EIF4A2: variants seen among roughly 807,000 people sequenced by gnomAD.
The protein encoded by EIF4A2 is eukaryotic translation initiation factor 4A2.
In EIF4A2, 9 loss-of-function variants were observed where a neutral mutation model predicts 50.6. The observed-to-expected ratio is 0.18, with a 90% CI of 0.11 to 0.31. EIF4A2 has a LOEUF of 0.31. Among genes scored for constraint, EIF4A2 ranks in the 10% least tolerant of loss-of-function variants. The pLI, the probability that EIF4A2 is intolerant of heterozygous loss-of-function variation, is 1.00. For missense variants in EIF4A2, 182 were observed against 501.8 expected, an observed-to-expected ratio of 0.36 and a Z score of 6.09; for synonymous variants, 215 against 164.4, an observed-to-expected ratio of 1.31 and a Z score of -2.35.
chr3:186,787,992 T>C, intron 10 of EIF4A2, 110 bp downstream of exon 10: 1 of 1,158,842 alleles, frequency 8.6e-7, no homozygotes, highest in African/African-American at 1.5e-5. Flanking sequence ...AAGTCAGTAG[T>C]GTTCAGTAAG....
intron 4 of EIF4A2, 84 bp from the exon 5 acceptor site, chr3:186,785,798 AC>A: frequency 1.3e-6 from 2 of 1,506,970 alleles, no homozygotes; most frequent in Non-Finnish European, 8.9e-7. Flanking sequence ...CTGTTGGCAG[AC>A]CAGATTATAT....
chr3:186,789,377 C>T lies in EIF4A2; in HGVS notation c.*108C>T, dbSNP rs1367505846. 17 of 1,422,508 alleles carry T rather than the reference C, an allele frequency of 1.2e-5. No individual in the cohort carries two copies. The highest frequency in any genetic ancestry group is 1.5e-5 in the Non-Finnish European group (16 of 1,065,658). The allele number at this position is 1,422,508 out of a possible 1,614,324, so 88.1% of individuals were successfully genotyped here. On this transcript the variant is annotated 3_prime_UTR_variant, in exon 11 of 11. Transcript: ENST00000323963. ...AATATTTGAATCTTGTCTCAATGCTCATAACGGATCAGAAATACAGATTTT... is the reference window on the plus strand; with the variant it reads ...AATATTTGAATCTTGTCTCAATGCTTATAACGGATCAGAAATACAGATTTT...
chr3:186,789,731 A>G lies in EIF4A2; in HGVS notation c.*462A>G. The G allele has an allele frequency of 2.3e-6, 1 of 438,964 alleles. No individual in the cohort carries two copies. Among genetic ancestry groups the G allele is most frequent in the Non-Finnish European group, 4.1e-6 (1 of 246,760 alleles). 27.2% of individuals were successfully genotyped at this position (438,964 alleles called of 1,614,324 possible). ...AGCATTTGAATGCATTTTGTTTGGT[A>G]TTGTATTTATTCAATAAAGTATTTA... On this transcript the variant is annotated 3_prime_UTR_variant, in exon 11 of 11. Coordinates refer to ENST00000323963, the MANE Select transcript of EIF4A2 (RefSeq NM_001967.4).
chr3:186,789,206 C>T lies in EIF4A2; in HGVS notation c.1161C>T (p.Asp387=), dbSNP rs1018245481. The T allele has an allele frequency of 6.2e-7, 1 of 1,613,432 alleles. No homozygotes were observed. Among genetic ancestry groups the T allele is most frequent in the Non-Finnish European group, 8.5e-7 (1 of 1,179,812 alleles). ...VTEEDKRILR[D]IETFYNTTVE... is the part of the protein sequence containing the mutation. Reference sequence around the variant, plus strand: ...AAGAAGACAAGAGGATTCTTCGTGACATTGAGACTTTCTACAATACTACAG... The same window carrying T: ...AAGAAGACAAGAGGATTCTTCGTGATATTGAGACTTTCTACAATACTACAG... Residue 387 remains aspartate, a synonymous_variant, in exon 11 of 11, where the codon GAC becomes GAT. Coordinates refer to ENST00000323963, the MANE Select transcript of EIF4A2 (RefSeq NM_001967.4).
intron 4 of EIF4A2, chr3:186,785,661 G>C (rs765007382): frequency 9.4e-5 from 48 of 510,654 alleles, no homozygotes; most frequent in Non-Finnish European, 1.5e-4. Flanking sequence ...TCTAGCTGAT[G>C]CGTGGAGCAG....
At chr3:186,784,869 A>G in intron 3 of EIF4A2, 93 bp from the exon 4 acceptor site, 1 of 1,607,958 alleles carries the variant, frequency 6.2e-7, no homozygotes, top group Non-Finnish European at 8.5e-7. Flanking sequence ...TCACTTGATT[A>G]TTTGGGCATA....
intron 4 of EIF4A2, chr3:186,785,412 C>CT: frequency 7.5e-6 from 3 of 399,622 alleles, no homozygotes; most frequent in Non-Finnish European, 1.4e-5. Context: ...ATTTGACTGT[C>CT]TCCGTAGTTC....
intron 10 of EIF4A2, chr3:186,788,673 GA>G (rs889947616): frequency 2.2e-5 from 5 of 229,706 alleles, no homozygotes; most frequent in Non-Finnish European, 4.4e-5. Context: ...TTTCCCACTG[GA>G]AAAAAGTAAG....
At chr3:186,788,054 A>G (rs1314972769) in intron 10 of EIF4A2, 172 bp downstream of exon 10, 2 of 792,568 alleles carry the variant, frequency 2.5e-6, no homozygotes, top group Non-Finnish European at 3.9e-6. Context: ...AAAGTGGGAA[A>G]ACTTGTAAAC....
At chr3:186,788,496 A>G in intron 10 of EIF4A2, 2 of 1,148,372 alleles carry the variant, frequency 1.7e-6, no homozygotes, top group East Asian at 1.2e-4. Context: ...TTTTTGTATT[A>G]GTATTTCTAT....
At position 186,786,288 on chromosome 3, in the gene EIF4A2, A is replaced by C. The variant is rs748463432; in HGVS notation, c.627+15A>C. On this transcript the variant is annotated intron_variant, in intron 6 of 10. Coordinates refer to ENST00000323963, the MANE Select transcript of EIF4A2 (RefSeq NM_001967.4). ...CAAGTATTCAGGTAAGCATTACTTC[A>C]CCCCCCTCTTAAAGGTAGAGATGGG... 6.2e-7 allele frequency: 1 copy of C among 1,604,954 alleles called. No homozygotes were observed. The highest frequency in any genetic ancestry group is 2.2e-5 in the East Asian group (1 of 44,772).
rs369580578 is a variant in EIF4A2 at position 186,783,605 on chromosome 3, C to G, written c.-6C>G. The G allele has an allele frequency of 7.2e-5, 117 of 1,613,968 alleles. No homozygotes were observed. Among genetic ancestry groups the G allele is most frequent in the East Asian group, 3.8e-4 (17 of 44,890 alleles). Reference sequence around the variant, plus strand: ...TTCAGTCGGGCGCTGAGTGGTTTTTCGGATCATGTCTGGTGGCTCCGCGGA... The same window carrying G: ...TTCAGTCGGGCGCTGAGTGGTTTTTGGGATCATGTCTGGTGGCTCCGCGGA... On this transcript the variant is annotated 5_prime_UTR_variant, in exon 1 of 11. Transcript: ENST00000323963.
Position 186,785,210 on chromosome 3 carries a change from CT to C in EIF4A2, c.348+113del, listed in dbSNP as rs1579157795. The C allele has an allele frequency of 1.9e-5, 28 of 1,486,822 alleles. No homozygotes were observed. The East Asian group carries it at 6.3e-4, about 34-fold the overall frequency. The allele number at this position is 1,486,822 out of a possible 1,614,324, so 92.1% of individuals were successfully genotyped here. On this transcript the variant is annotated intron_variant, in intron 4 of 10. Transcript: ENST00000323963. Reference sequence around the variant, plus strand: ...ATAAATTGGTCCTACCAGATCCCTCCTTTTAATTGTCCATGCATGCAGGGAG... The same window carrying C: ...ATAAATTGGTCCTACCAGATCCCTCCTTTAATTGTCCATGCATGCAGGGAG...
chr3:186,787,968 GAATAGATTCAGT>G, intron 10 of EIF4A2, 86 bp downstream of exon 10: 2 of 1,397,746 alleles, frequency 1.4e-6, no homozygotes, highest in Non-Finnish European at 2.0e-6. Flanking sequence ...TCAAATCAAG[GAATAGATTCAGT>G]AAAGTCAGTA....
intron 4 of EIF4A2, 161 bp from the exon 5 acceptor site, chr3:186,785,722 C>A (rs1044063485): frequency 3.0e-5 from 26 of 865,156 alleles, no homozygotes; most frequent in Non-Finnish European, 3.4e-5. Flanking sequence ...GGAATTTTAC[C>A]TTGCAGCAGT....
chr3:186,789,890 A>T lies in EIF4A2; in HGVS notation c.*621A>T. On this transcript the variant is annotated 3_prime_UTR_variant, in exon 11 of 11. Coordinates refer to ENST00000323963, the MANE Select transcript of EIF4A2 (RefSeq NM_001967.4). ...TGAATGTTAAATAAATTGTATATTC[A>T]CTTTAAAGGTGCTTTTGGTCATTTT... 1.1e-6 allele frequency: 1 copy of T among 881,978 alleles called. No homozygotes were observed. The highest frequency in any genetic ancestry group is 1.8e-6 in the Non-Finnish European group (1 of 561,136). The allele number at this position is 881,978 out of a possible 1,614,324, so 54.6% of individuals were successfully genotyped here.
At position 186,789,283 on chromosome 3, in the gene EIF4A2, A is replaced by C. The variant is rs745861363; in HGVS notation, c.*14A>C. On this transcript the variant is annotated 3_prime_UTR_variant, in exon 11 of 11. Transcript: ENST00000323963. Reference sequence around the variant, plus strand: ...GACCTTATTTAATTCCTGGGATGAGAGTTTTGGATGCAGTGCTCGCTGTTG... The same window carrying C: ...GACCTTATTTAATTCCTGGGATGAGCGTTTTGGATGCAGTGCTCGCTGTTG... 1.2e-6 allele frequency: 2 copies of C among 1,600,692 alleles called. No homozygotes were observed. Among genetic ancestry groups the C allele is most frequent in the Non-Finnish European group, 1.7e-6 (2 of 1,173,930 alleles).
intron 10 of EIF4A2, chr3:186,788,550 A>T (rs747119399): frequency 5.3e-5 from 36 of 680,126 alleles, no homozygotes; most frequent in Non-Finnish European, 7.0e-5. Context: ...TCTGGTTTCT[A>T]ACATGCAGGT....
intron 6 of EIF4A2, 89 bp downstream of exon 6, chr3:186,786,362 T>G: frequency 6.6e-7 from 1 of 1,511,276 alleles, no homozygotes; most frequent in Non-Finnish European, 9.0e-7. Context: ...TGTTTTGTTG[T>G]CGTTCCCCCT....
Sources: gnomAD v4.1 joint callset for allele counts on GRCh38, gnomAD v4.1.1 for gene constraint, MANE v1.5 for transcripts, NCBI Gene and HGNC (gene_info 2026-07-23, HGNC 2026-07-21) for gene names.